The following KLHL1 variants were observed in gnomAD, a reference collection of about 807,000 sequenced individuals.
KLHL1 encodes kelch-like protein 1.
In KLHL1, 47 loss-of-function variants were observed where a neutral mutation model predicts 77.7. The ratio of observed to expected loss-of-function variants is 0.60; its 90% CI spans 0.48 to 0.77. The LOEUF (loss-of-function observed/expected upper bound fraction) is 0.77, where lower values mean the gene tolerates loss of function less well. KLHL1 is among the 30% of genes least tolerant of loss of function. The pLI is 0.00. For synonymous variants in KLHL1, 360 were observed against 325.2 expected (o/e 1.11, Z -1.15); for missense variants, 925 against 910.8 (o/e 1.02, Z -0.20).
chr13:69,744,661 C>T (rs1057260326), intron 7 of KLHL1, among the ~76,000 whole-genome samples: 2 of 151,604 alleles, frequency 1.3e-5, no homozygotes, highest in Non-Finnish European at 2.9e-5. Context: ...AAGGTACACC[C>T]CCCCCAAAAG....
chr13:70,059,852 G>A (rs1886834523), intron 1 of KLHL1, among the ~76,000 whole-genome samples: 1 of 152,132 alleles, frequency 6.6e-6, no homozygotes, highest in African/African-American at 2.4e-5. Flanking sequence ...AGCAGGAGGT[G>A]CTGCACACTT....
intron 7 of KLHL1, among the ~76,000 whole-genome samples, chr13:69,779,673 C>G (rs1459209961): frequency 6.6e-6 from 1 of 151,762 alleles, no homozygotes; most frequent in African/African-American, 2.4e-5. Flanking sequence ...TCAAATCTGC[C>G]TTAGTAGTAA....
intron 1 of KLHL1, among the ~76,000 whole-genome samples, chr13:70,102,398 G>A (rs1395299674): frequency 2.0e-5 from 3 of 152,150 alleles, no homozygotes; most frequent in Non-Finnish European, 4.4e-5. Context: ...ATAATAAGGT[G>A]TTTTCTAACT....
chr13:69,763,793 A>C (rs1158271799), intron 7 of KLHL1, among the ~76,000 whole-genome samples: 2 of 152,240 alleles, frequency 1.3e-5, no homozygotes, highest in African/African-American at 4.8e-5. Flanking sequence ...AATGCTTTGG[A>C]GTCAAACAGA....
chr13:69,757,529 T>C (rs961682083), intron 7 of KLHL1, among the ~76,000 whole-genome samples: 1 of 152,220 alleles, frequency 6.6e-6, no homozygotes. Context: ...CTATTTTGGA[T>C]GCTTCAGTGG....
intron 1 of KLHL1, among the ~76,000 whole-genome samples, chr13:69,990,490 T>C (rs1170311497): frequency 6.6e-6 from 1 of 151,600 alleles, no homozygotes; most frequent in Non-Finnish European, 1.5e-5. Flanking sequence ...ACCAAGCAAA[T>C]GGAAAACAGA....
At chr13:69,724,911 A>T (rs1374967519) in intron 8 of KLHL1, among the ~76,000 whole-genome samples, 1 of 152,174 alleles carries the variant, frequency 6.6e-6, no homozygotes, top group South Asian at 2.1e-4. Context: ...TGCAGGAGGA[A>T]TAAGTGAATT....
intron 1 of KLHL1, among the ~76,000 whole-genome samples, chr13:70,009,511 C>G (rs960912736): frequency 4.6e-5 from 7 of 152,008 alleles, no homozygotes; most frequent in African/African-American, 1.7e-4. Flanking sequence ...AGGAGATGGA[C>G]CCTGAACACT....
chr13:69,781,041 T>A (rs191397946), intron 7 of KLHL1, among the ~76,000 whole-genome samples: 147 of 151,764 alleles, frequency 9.7e-4, no homozygotes, highest in Non-Finnish European at 1.4e-3. Context: ...AGAAGTAGAA[T>A]CAGACTTCTT....
At chr13:69,995,249 G>T (rs576208331) in intron 1 of KLHL1, among the ~76,000 whole-genome samples, 1 of 152,128 alleles carries the variant, frequency 6.6e-6, no homozygotes, top group African/African-American at 2.4e-5. Context: ...AAAGTTTGGT[G>T]GTTCCTGTTA....
At chr13:70,040,639 CTATTTGTCTTTAG>C (rs1308488016) in intron 1 of KLHL1, among the ~76,000 whole-genome samples, 1 of 152,022 alleles carries the variant, frequency 6.6e-6, no homozygotes, top group Non-Finnish European at 1.5e-5. Flanking sequence ...CACAAATTTT[CTATTTGTCTTTAG>C]TATTTGTAAG....
chr13:70,079,559 C>T (rs1887344988), intron 1 of KLHL1, among the ~76,000 whole-genome samples: 1 of 152,056 alleles, frequency 6.6e-6, no homozygotes, highest in Admixed American at 6.5e-5. Flanking sequence ...CATCAGTTTA[C>T]AGGAACAGAC....
intron 6 of KLHL1, among the ~76,000 whole-genome samples, chr13:69,805,344 A>G (rs747948382): frequency 2.0e-4 from 31 of 152,006 alleles, no homozygotes; most frequent in Non-Finnish European, 3.8e-4. Context: ...TTTGCTTGCT[A>G]TTAAACTAAT....
At chr13:69,823,880 T>A (rs947153251) in intron 6 of KLHL1, among the ~76,000 whole-genome samples, 9 of 151,982 alleles carry the variant, frequency 5.9e-5, no homozygotes, top group Non-Finnish European at 1.2e-4. Context: ...ATGACTCCAG[T>A]GTAATAGAGT....
chr13:70,085,685 G>GA (rs780926442), intron 1 of KLHL1, among the ~76,000 whole-genome samples: 3 of 151,946 alleles, frequency 2.0e-5, no homozygotes, highest in Non-Finnish European at 4.4e-5. Flanking sequence ...CCAAATAGGT[G>GA]AAACCCTGTC....
chr13:69,836,326 G>A (rs1006284940), intron 6 of KLHL1, among the ~76,000 whole-genome samples: 13 of 152,032 alleles, frequency 8.6e-5, no homozygotes, highest in South Asian at 2.1e-4. Context: ...TTCTCTGGGC[G>A]TTTGCTGATT....
chr13:69,821,149 T>C (rs1416721803), intron 6 of KLHL1, among the ~76,000 whole-genome samples: 1 of 152,150 alleles, frequency 6.6e-6, no homozygotes, highest in African/African-American at 2.4e-5. Flanking sequence ...GTACGAACTG[T>C]TCTTAGTACA....
intron 3 of KLHL1, among the ~76,000 whole-genome samples, chr13:69,943,628 G>A (rs1337871928): frequency 6.6e-6 from 1 of 151,948 alleles, no homozygotes; most frequent in Non-Finnish European, 1.5e-5. Flanking sequence ...ACCTATATTT[G>A]TATATCAATT....
chr13:69,966,054 T>C (rs1267898874), intron 2 of KLHL1, among the ~76,000 whole-genome samples: 1 of 152,292 alleles, frequency 6.6e-6, no homozygotes, highest in East Asian at 1.9e-4. Flanking sequence ...TTACTTTTAA[T>C]GTCAAAAACA....
Sources: allele counts gnomAD v4.1 joint callset (sites outside exome capture counted in the v4.1 genomes callset), GRCh38; gene constraint gnomAD v4.1.1; transcripts MANE v1.5; gene names NCBI Gene and HGNC (gene_info 2026-07-23, HGNC 2026-07-21).